LAP3: variants seen among roughly 807,000 people sequenced by gnomAD.
LAP3 encodes leucine aminopeptidase 3, also known as cytosol aminopeptidase.
LAP3 carries 46 observed loss-of-function variants against 58.8 expected under a neutral mutation model. That is an observed-to-expected ratio of 0.78 (90% CI 0.62 to 1.00). LAP3 has a LOEUF of 1.00. Among genes scored for constraint, LAP3 ranks in the 50% least tolerant of loss-of-function variants. The probability of loss-of-function intolerance (pLI) is 0.00; values close to 1 mark genes in which losing one functional copy is unlikely to be tolerated. For synonymous variants in LAP3, 257 were observed against 237.7 expected (o/e 1.08, Z -0.75); for missense variants, 615 against 659.1 (o/e 0.93, Z 0.73).
chr4:17,606,573 C>T (rs910216209), intron 11 of LAP3, among the ~76,000 whole-genome samples: 5 of 152,180 alleles, frequency 3.3e-5, no homozygotes, highest in African/African-American at 1.2e-4. Context: ...TTCTTGACCT[C>T]GTGATCCACC....
At chr4:17,588,678 G>T in intron 6 of LAP3, 141 bp from the exon 7 acceptor site, 1 of 698,374 alleles carries the variant, frequency 1.4e-6, no homozygotes, top group Non-Finnish European at 2.3e-6. Context: ...CAAATAATGG[G>T]ACCTGATAAT....
chr4:17,583,295 A>C, intron 4 of LAP3, 188 bp from the exon 5 acceptor site: 1 of 644,700 alleles, frequency 1.6e-6, no homozygotes, highest in Non-Finnish European at 2.7e-6. Flanking sequence ...GGAGTGAGGT[A>C]CTTGCTGTAA....
intron 7 of LAP3, among the ~76,000 whole-genome samples, chr4:17,589,340 C>T (rs1156320723): frequency 1.3e-5 from 2 of 151,828 alleles, no homozygotes; most frequent in Non-Finnish European, 2.9e-5. Flanking sequence ...GGATTACAGA[C>T]ATGAGCCACT....
chr4:17,590,329 C>T (rs367546289), intron 7 of LAP3, among the ~76,000 whole-genome samples: 1 of 152,108 alleles, frequency 6.6e-6, no homozygotes, highest in African/African-American at 2.4e-5. Flanking sequence ...TGCTTCTAGA[C>T]GTAGGAAGCC....
intron 10 of LAP3, among the ~76,000 whole-genome samples, chr4:17,600,519 C>T (rs1289914681): frequency 6.6e-6 from 1 of 152,094 alleles, no homozygotes; most frequent in Non-Finnish European, 1.5e-5. Flanking sequence ...TTAAACATAA[C>T]GTTCATAATT....
chr4:17,595,681 T>G, intron 8 of LAP3, 147 bp downstream of exon 8: 1 of 942,886 alleles, frequency 1.1e-6, no homozygotes, highest in Non-Finnish European at 1.6e-6. Context: ...TTAGCCCAGA[T>G]AAGTGTTTTA....
chr4:17,579,991 G>C (rs765487309), intron 2 of LAP3, 52 bp downstream of exon 2: 5 of 1,073,212 alleles, frequency 4.7e-6, no homozygotes, highest in South Asian at 1.3e-5. Context: ...AATCGAAACA[G>C]TATTTTTTCT....
At chr4:17,596,600 A>G (rs1304418352) in intron 8 of LAP3, among the ~76,000 whole-genome samples, 3 of 152,276 alleles carry the variant, frequency 2.0e-5, no homozygotes, top group African/African-American at 7.2e-5. Flanking sequence ...TGGCCTCTCA[A>G]AATGCTGGGA....
At chr4:17,603,834 CTT>C (rs78323653) in intron 10 of LAP3, among the ~76,000 whole-genome samples, 4 of 34,894 alleles carry the variant, frequency 1.1e-4, no homozygotes, top group Non-Finnish European at 2.3e-4. Context: ...TTCTTTCTTT[CTT>C]TTTTTTTTGA....
intron 7 of LAP3, among the ~76,000 whole-genome samples, chr4:17,590,765 G>A (rs1014100744): frequency 3.3e-5 from 5 of 151,946 alleles, no homozygotes; most frequent in African/African-American, 1.2e-4. Flanking sequence ...TAGAGATGGG[G>A]TTTCAGCTTG....
chr4:17,606,992 T>G, intron 12 of LAP3, 54 bp downstream of exon 12: 1 of 1,194,658 alleles, frequency 8.4e-7, no homozygotes, highest in Non-Finnish European at 1.2e-6. Context: ...ATTGCCAAAA[T>G]AGCTATTTTC....
At chr4:17,589,101 C>A in intron 7 of LAP3, 124 bp downstream of exon 7, 1 of 1,006,998 alleles carries the variant, frequency 9.9e-7, no homozygotes, top group East Asian at 2.5e-5. Flanking sequence ...CACCCTGTCA[C>A]CCAGGCTAGA....
intron 6 of LAP3, among the ~76,000 whole-genome samples, chr4:17,586,475 A>T (rs1415348270): frequency 6.6e-6 from 1 of 152,236 alleles, no homozygotes; most frequent in South Asian, 2.1e-4. Flanking sequence ...TTTAGGTTCT[A>T]TAAAAGTATC....
rs1320727931 is a variant in LAP3, at chr4:17,577,558, C to G, written c.93C>G (p.Asp31Glu). ...GGAGCCGGAGTCTCTCCACCGCAGACATGACGAAGGTGAGAGGCGGCGGCT... is the reference window on the plus strand; with the variant it reads ...GGAGCCGGAGTCTCTCCACCGCAGAGATGACGAAGGTGAGAGGCGGCGGCT... ...RFGSRSLSTA[D>E]MTKGLVLGIY... Residue 31 changes from aspartate to glutamate, a missense_variant, in exon 1 of 13, where the codon GAC becomes GAG. Transcript: ENST00000226299. 1 of 1,560,442 alleles carries G rather than the reference C, an allele frequency of 6.4e-7. No individual in the cohort carries two copies. Among genetic ancestry groups the G allele is most frequent in the South Asian group, 1.2e-5 (1 of 84,640 alleles).
intron 7 of LAP3, among the ~76,000 whole-genome samples, chr4:17,592,042 G>A (rs189018438): frequency 9.9e-4 from 151 of 152,208 alleles, no homozygotes; most frequent in Non-Finnish European, 1.7e-3. Flanking sequence ...GATTACATGA[G>A]CCCAGGAGTT....
intron 8 of LAP3, 101 bp downstream of exon 8, chr4:17,595,635 G>A (rs1713810777): frequency 7.3e-7 from 1 of 1,360,590 alleles, no homozygotes; most frequent in East Asian, 2.3e-5. Flanking sequence ...GAAAAGATAA[G>A]AAATGATTTT....
intron 7 of LAP3, among the ~76,000 whole-genome samples, chr4:17,590,821 C>T (rs915197233): frequency 2.0e-4 from 31 of 151,956 alleles, no homozygotes; most frequent in African/African-American, 7.3e-4. Context: ...CTGCCCGCCT[C>T]GGTCTCCTGA....
intron 7 of LAP3, 146 bp from the exon 8 acceptor site, chr4:17,595,264 T>A: frequency 1.3e-6 from 1 of 760,580 alleles, no homozygotes. Context: ...GGTCTCGATC[T>A]CCTGACCTCG....
intron 2 of LAP3, among the ~76,000 whole-genome samples, chr4:17,580,443 G>C (rs1419126413): frequency 6.6e-6 from 1 of 151,484 alleles, no homozygotes; most frequent in East Asian, 2.0e-4. Flanking sequence ...AGTATGGATG[G>C]GTCTGCAGTT....
Sources: gnomAD v4.1 joint callset for allele counts (sites outside exome capture counted in the v4.1 genomes callset) on GRCh38, gnomAD v4.1.1 for gene constraint, MANE v1.5 for transcripts, NCBI Gene and HGNC (gene_info 2026-07-23, HGNC 2026-07-21) for gene names.